The following FBLIM1 variants were observed in gnomAD, a reference collection of about 807,000 sequenced individuals.
The protein encoded by FBLIM1 is filamin-binding LIM protein 1.
Under a neutral mutation model 37.4 loss-of-function variants are expected in FBLIM1, and 29 were observed. The ratio of observed to expected loss-of-function variants is 0.77; its 90% CI spans 0.58 to 1.06. FBLIM1 has a LOEUF of 1.06. Ranked by LOEUF, FBLIM1 falls within the 50% of genes least tolerant of loss-of-function variation. The pLI, the probability that FBLIM1 is intolerant of heterozygous loss-of-function variation, is 0.00. For missense variants in FBLIM1, 449 were observed against 505.6 expected (o/e 0.89, Z 1.07); for synonymous variants, 193 against 199.0 (o/e 0.97, Z 0.25).
intron 8 of FBLIM1, among the ~76,000 whole-genome samples, chr1:15,779,845 T>A (rs1041245830): frequency 2.4e-4 from 36 of 152,128 alleles, no homozygotes; most frequent in African/African-American, 8.2e-4. Context: ...AGTTTTGAAG[T>A]TCTGCTATTG....
At chr1:15,768,291 G>C (rs2069024369) in intron 4 of FBLIM1, among the ~76,000 whole-genome samples, 1 of 152,188 alleles carries the variant, frequency 6.6e-6, no homozygotes, top group Admixed American at 6.6e-5. Flanking sequence ...GGGGAAGCCT[G>C]GTTGCAGGAG....
chr1:15,784,387 C>G (rs1557708874), intron 8 of FBLIM1, among the ~76,000 whole-genome samples, 161 bp from the exon 9 acceptor site: 1 of 152,090 alleles, frequency 6.6e-6, no homozygotes, highest in Non-Finnish European at 1.5e-5. Flanking sequence ...GAGACCTGGC[C>G]CGGGTGTTGG....
At chr1:15,768,135 G>A (rs113664689) in intron 4 of FBLIM1, among the ~76,000 whole-genome samples, 65 of 152,180 alleles carry the variant, frequency 4.3e-4, no homozygotes, top group African/African-American at 1.5e-3. Flanking sequence ...CGCATGGCTC[G>A]GCCTCCCAAA....
At chr1:15,779,406 G>A (rs2148648057) in intron 8 of FBLIM1, among the ~76,000 whole-genome samples, 1 of 152,214 alleles carries the variant, frequency 6.6e-6, no homozygotes, top group African/African-American at 2.4e-5. Flanking sequence ...CTGGGTTCAT[G>A]CGGTTCTCCT....
intron 7 of FBLIM1, chr1:15,776,956 C>T: frequency 2.1e-6 from 1 of 483,698 alleles, no homozygotes; most frequent in South Asian, 3.4e-5. Flanking sequence ...GTTCTCAATT[C>T]AGACAATCTC....
chr1:15,769,132 G>C (rs1483129225), intron 5 of FBLIM1, among the ~76,000 whole-genome samples: 2 of 152,148 alleles, frequency 1.3e-5, no homozygotes, highest in Non-Finnish European at 2.9e-5. Context: ...CTCTTCTGCT[G>C]TTCACTTTCT....
chr1:15,775,159 G>T, intron 7 of FBLIM1: 1 of 316,226 alleles, frequency 3.2e-6, no homozygotes, highest in Admixed American at 4.7e-5. Flanking sequence ...GGCAGAGCTT[G>T]CAGTGAGCCG....
At chr1:15,776,172 C>CT (rs972008941) in intron 7 of FBLIM1, among the ~76,000 whole-genome samples, 5 of 151,984 alleles carry the variant, frequency 3.3e-5, no homozygotes, top group African/African-American at 1.2e-4. Context: ...AATCCCAGCA[C>CT]TTTGGGAGGC....
chr1:15,761,274 A>T (rs1209111081), intron 1 of FBLIM1, among the ~76,000 whole-genome samples: 3 of 152,140 alleles, frequency 2.0e-5, no homozygotes, highest in Non-Finnish European at 4.4e-5. Flanking sequence ...GTGCCACCCA[A>T]GGAAGGAAAA....
chr1:15,771,370 C>T (rs996912673), intron 6 of FBLIM1, among the ~76,000 whole-genome samples: 1 of 151,614 alleles, frequency 6.6e-6, no homozygotes, highest in Non-Finnish European at 1.5e-5. Flanking sequence ...TCTCAGCCTC[C>T]TGAGTAGCTG....
chr1:15,772,682 G>A (rs893165351), intron 6 of FBLIM1, among the ~76,000 whole-genome samples: 24 of 152,130 alleles, frequency 1.6e-4, no homozygotes, highest in African/African-American at 4.1e-4. Flanking sequence ...AGCCAGGCGC[G>A]GTGGCTCACA....
chr1:15,781,531 A>T (rs1384408830), intron 8 of FBLIM1, among the ~76,000 whole-genome samples: 2 of 87,312 alleles, frequency 2.3e-5, no homozygotes, highest in Non-Finnish European at 4.8e-5. Context: ...AAAAAAAAAA[A>T]AAAAAAAATA....
In FBLIM1 at chr1:15,767,413, C is replaced by T. The variant is rs199982657; in HGVS notation, c.288C>T (p.Asp96=). ...PPPPPVLDGE[D]VLPDLDLLPP... ...CTCCTCCTGTCCTGGATGGTGAGGA[C>T]GTGCTTCCTGACCTGGACCTCCTCC... Residue 96 remains aspartate (D), a synonymous_variant, in exon 4 of 9, where the codon GAC becomes GAT. Transcript: ENST00000375766. 301 of 1,578,012 alleles carry T rather than the reference C, an allele frequency of 1.9e-4. No individual in the cohort carries two copies. The East Asian group carries it at 4.6e-3, about 24-fold the overall frequency.
chr1:15,760,481 G>C (rs1037768770), intron 1 of FBLIM1, among the ~76,000 whole-genome samples: 1 of 141,532 alleles, frequency 7.1e-6, no homozygotes, highest in Non-Finnish European at 1.5e-5. Context: ...AGTGAGCTGA[G>C]ATTGCGCCAC....
chr1:15,782,264 C>T (rs545102559), intron 8 of FBLIM1, among the ~76,000 whole-genome samples: 81 of 151,682 alleles, frequency 5.3e-4, no homozygotes, highest in African/African-American at 1.9e-3. Context: ...AAAAATTAGC[C>T]AGGCATGGTG....
At chr1:15,769,338 G>A (rs566114526) in intron 5 of FBLIM1, among the ~76,000 whole-genome samples, 22 of 152,176 alleles carry the variant, frequency 1.4e-4, no homozygotes, top group African/African-American at 5.1e-4. Context: ...TTAGCTGGGT[G>A]TGGTGGTGTG....
rs557975526 is a variant in FBLIM1, at chr1:15,772,037, G to C, written c.711+1459G>C. ...CACTGGAATTTCTAACTCTTGGATG[G>C]TTTGTGGTGGCATGTTGAGTGTGGT... On this transcript the variant is annotated intron_variant, in intron 6 of 8. Coordinates refer to ENST00000375766, the MANE Select transcript of FBLIM1 (RefSeq NM_017556.4). Among the ~76,000 whole-genome samples, 7 of 152,256 alleles carry C rather than the reference G, an allele frequency of 4.6e-5. No individual in the cohort carries two copies. The South Asian group carries it at 1.5e-3, about 32-fold the overall frequency.
At chr1:15,767,594 C>A in intron 4 of FBLIM1, 31 bp downstream of exon 4, 1 of 781,240 alleles carries the variant, frequency 1.3e-6, no homozygotes, top group Non-Finnish European at 2.0e-6. Context: ...CCCAGCAATC[C>A]CTTGGTCCCC....
chr1:15,775,246 A>C, intron 7 of FBLIM1: 1 of 177,006 alleles, frequency 5.6e-6, no homozygotes, highest in South Asian at 1.2e-4. Context: ...AAAAAAAAGA[A>C]TATTACAGTG....
Sources: allele counts gnomAD v4.1 joint callset (sites outside exome capture counted in the v4.1 genomes callset), GRCh38; gene constraint gnomAD v4.1.1; transcripts MANE v1.5; gene names NCBI Gene and HGNC (gene_info 2026-07-23, HGNC 2026-07-21).